LYPLAL1: variants seen among roughly 807,000 people sequenced by gnomAD.
LYPLAL1 encodes lysophospholipase like 1, also known as lysophospholipase-like protein 1.
LYPLAL1 carries 23 observed loss-of-function variants against 19.7 expected under a neutral mutation model. The ratio of observed to expected loss-of-function variants is 1.17; its 90% CI spans 0.84 to 1.65. The LOEUF is 1.65. Ranked by LOEUF, LYPLAL1 falls within the 40% of genes most tolerant of loss-of-function variation. LYPLAL1 has a pLI of 0.00. For missense variants in LYPLAL1, 355 were observed against 279.4 expected, an observed-to-expected ratio of 1.27 and a Z score of -1.93; for synonymous variants, 119 against 96.3, an observed-to-expected ratio of 1.24 and a Z score of -1.38.
At chr1:219,370,888 T>C in the LYPLAL1 span, among the ~76,000 whole-genome samples, 4 of 152,112 alleles carry the variant, frequency 2.6e-5, no homozygotes, top group African/African-American at 9.7e-5. Flanking sequence ...AGAGCACCAA[T>C]AAAGGAGATT....
the LYPLAL1 span, among the ~76,000 whole-genome samples, chr1:219,292,040 G>A: frequency 6.6e-6 from 1 of 152,142 alleles, no homozygotes; most frequent in African/African-American, 2.4e-5. Context: ...CAGGCACCTG[G>A]GTGTGCAGTG....
chr1:219,376,167 CAG>C, the LYPLAL1 span, among the ~76,000 whole-genome samples: 1 of 152,022 alleles, frequency 6.6e-6, no homozygotes, highest in African/African-American at 2.4e-5. Flanking sequence ...TGAAATAAAG[CAG>C]AGAGTCCAGA....
chr1:219,432,924 A>G, the LYPLAL1 span, among the ~76,000 whole-genome samples: 5,790 of 152,210 alleles, frequency 0.038, 211 homozygotes, highest in African/African-American at 0.097. Flanking sequence ...GTTCCATGAA[A>G]TGGTGGCAAG....
the LYPLAL1 span, among the ~76,000 whole-genome samples, chr1:219,425,157 A>G: frequency 6.6e-6 from 1 of 152,152 alleles, no homozygotes; most frequent in Non-Finnish European, 1.5e-5. Context: ...CACTGTGTTC[A>G]CAGGGTGCAA....
chr1:219,425,212 C>A, the LYPLAL1 span, among the ~76,000 whole-genome samples: 1 of 152,148 alleles, frequency 6.6e-6, no homozygotes, highest in Non-Finnish European at 1.5e-5. Flanking sequence ...AAGGAGTCCA[C>A]TTTCATGACT....
chr1:219,206,389 A>G (rs965171317), intron 3 of LYPLAL1, among the ~76,000 whole-genome samples: 1 of 152,052 alleles, frequency 6.6e-6, no homozygotes, highest in African/African-American at 2.4e-5. Flanking sequence ...ATCATTTTTT[A>G]GACTCTTAGG....
the LYPLAL1 span, among the ~76,000 whole-genome samples, chr1:219,350,209 G>A: frequency 6.4e-3 from 981 of 152,120 alleles, 11 homozygotes; most frequent in African/African-American, 0.023. Context: ...CATTCAGATC[G>A]ATGAAGCCAC....
the LYPLAL1 span, among the ~76,000 whole-genome samples, chr1:219,286,289 G>A: frequency 6.6e-6 from 1 of 152,084 alleles, no homozygotes; most frequent in African/African-American, 2.4e-5. Flanking sequence ...TTACTAATTG[G>A]CAAGTTACTA....
At chr1:219,401,416 T>A in the LYPLAL1 span, among the ~76,000 whole-genome samples, 31 of 150,868 alleles carry the variant, frequency 2.1e-4, no homozygotes, top group African/African-American at 7.5e-4. Context: ...AGTGAATAAT[T>A]GGGGAAAGGA....
Position 219,211,559 on chromosome 1 carries a change from T to C in LYPLAL1, c.545T>C (p.Val182Ala), listed in dbSNP as rs570275364. Residue 182 changes from valine to alanine, a missense_variant, in exon 5 of 5, where the codon GTT becomes GCT. Transcript: ENST00000366928. The part of the protein sequence containing the change: ...FQCHGTADEL[V>A]LHSWAEETNS... ...TGTCATGGTACTGCAGATGAGTTAG[T>C]TCTTCATTCTTGGGCAGAAGAGACA... 1.0e-4 allele frequency: 165 copies of C among 1,613,286 alleles called. No homozygotes were observed. The highest frequency in any genetic ancestry group is 4.9e-4 in the Middle Eastern group (3 of 6,076).
chr1:219,445,215 A>T, the LYPLAL1 span, among the ~76,000 whole-genome samples: 2 of 151,810 alleles, frequency 1.3e-5, no homozygotes, highest in Non-Finnish European at 2.9e-5. Flanking sequence ...TGTAACTATT[A>T]GTTGGTCTTT....
the LYPLAL1 span, among the ~76,000 whole-genome samples, chr1:219,322,078 T>C: frequency 1.3e-5 from 2 of 152,224 alleles, no homozygotes; most frequent in Non-Finnish European, 2.9e-5. Context: ...GAAATATTTG[T>C]GAAGAAGGCA....
chr1:219,221,530 C>G, the LYPLAL1 span, among the ~76,000 whole-genome samples: 1 of 152,134 alleles, frequency 6.6e-6, no homozygotes, highest in African/African-American at 2.4e-5. Flanking sequence ...AGTTACAGTT[C>G]CCCTGGGGGT....
chr1:219,193,348 A>G, intron 3 of LYPLAL1, 97 bp downstream of exon 3: 1 of 861,578 alleles, frequency 1.2e-6, no homozygotes, highest in Admixed American at 2.6e-5. Context: ...GCACTTGTAT[A>G]TCATTCGATG....
the LYPLAL1 span, among the ~76,000 whole-genome samples, chr1:219,355,376 G>T: frequency 1.3e-5 from 2 of 152,020 alleles, no homozygotes; most frequent in African/African-American, 4.8e-5. Context: ...AATCCCAAAA[G>T]AGAGAAAAAT....
chr1:219,352,985 A>G, the LYPLAL1 span, among the ~76,000 whole-genome samples: 1,290 of 152,372 alleles, frequency 8.5e-3, 27 homozygotes, highest in African/African-American at 0.029. Flanking sequence ...TCCAACTGTC[A>G]TGCGTAACTG....
At chr1:219,274,649 G>T in the LYPLAL1 span, among the ~76,000 whole-genome samples, 1 of 152,154 alleles carries the variant, frequency 6.6e-6, no homozygotes, top group Non-Finnish European at 1.5e-5. Flanking sequence ...CTCCTAAAGT[G>T]CTTTGATTAC....
At chr1:219,332,409 C>A in the LYPLAL1 span, among the ~76,000 whole-genome samples, 1 of 152,128 alleles carries the variant, frequency 6.6e-6, no homozygotes, top group African/African-American at 2.4e-5. Context: ...CAGAAGATAT[C>A]ATATGAAGCA....
the LYPLAL1 span, among the ~76,000 whole-genome samples, chr1:219,376,074 T>C: frequency 6.6e-6 from 1 of 152,130 alleles, no homozygotes. Flanking sequence ...ACTACAAACC[T>C]ACATTAATCA....
Sources: gnomAD v4.1 joint callset for allele counts (sites outside exome capture counted in the v4.1 genomes callset) on GRCh38, gnomAD v4.1.1 for gene constraint, MANE v1.5 for transcripts, NCBI Gene and HGNC (gene_info 2026-07-23, HGNC 2026-07-21) for gene names.